Variants in COL10A1 observed in about 807,000 individuals in gnomAD.
COL10A1 encodes collagen type X alpha 1 chain.
COL10A1 carries 10 observed loss-of-function variants against 18.2 expected under a neutral mutation model. The observed-to-expected ratio is 0.55, with a 90% CI of 0.34 to 0.93. The LOEUF (loss-of-function observed/expected upper bound fraction) is 0.93. Among genes scored for constraint, COL10A1 ranks in the 40% least tolerant of loss-of-function variants. The pLI is 0.02. For missense variants in COL10A1, 897 were observed against 853.5 expected (o/e 1.05, Z -0.64); for synonymous variants, 330 against 316.6 (o/e 1.04, Z -0.45).
At chr6:116,129,639 A>T (rs1779415273), upstream of COL10A1, among the ~76,000 whole-genome samples, 1 of 152,104 alleles carries the variant, frequency 6.6e-6, no homozygotes, top group South Asian at 2.1e-4. Flanking sequence ...ATCCTCTTGG[A>T]CTTCCTAGCC....
intron 1 of COL10A1, chr6:116,137,122 C>T (rs1386672010): frequency 1.9e-5 from 4 of 212,760 alleles, no homozygotes; most frequent in Admixed American, 9.0e-5. Flanking sequence ...TACCACAAAT[C>T]GGTGGGGTCT....
At chr6:116,170,454 A>C in the COL10A1 span, among the ~76,000 whole-genome samples, 12 of 152,154 alleles carry the variant, frequency 7.9e-5, no homozygotes, top group Non-Finnish European at 1.3e-4. Flanking sequence ...TACCAGGTTC[A>C]TAGCCACCAT....
chr6:116,125,668 T>A (rs568175652), intron 1 of COL10A1, 161 bp from the exon 2 acceptor site: 1 of 559,296 alleles, frequency 1.8e-6, no homozygotes, highest in African/African-American at 1.9e-5. Context: ...ATTTTTTAGT[T>A]ATGTGAATAT....
the COL10A1 span, among the ~76,000 whole-genome samples, chr6:116,192,667 C>A: frequency 6.6e-6 from 1 of 151,996 alleles, no homozygotes; most frequent in Non-Finnish European, 1.5e-5. Context: ...AACTTTGTAA[C>A]TGAATTTTGA....
intron 1 of COL10A1, among the ~76,000 whole-genome samples, chr6:116,135,396 G>GT (rs1779564572): frequency 6.6e-6 from 1 of 151,562 alleles, no homozygotes; most frequent in South Asian, 2.1e-4. Context: ...TTTTTTTTCT[G>GT]TAGCATCCAT....
the COL10A1 span, among the ~76,000 whole-genome samples, chr6:116,179,450 AC>A: frequency 4.1e-4 from 62 of 152,248 alleles, no homozygotes; most frequent in Middle Eastern, 3.4e-3. Context: ...CAGAAAAAAA[AC>A]AATCCTATCA....
chr6:116,175,780 T>TAG, the COL10A1 span, among the ~76,000 whole-genome samples: 1 of 152,230 alleles, frequency 6.6e-6, no homozygotes, highest in Non-Finnish European at 1.5e-5. Context: ...TTTTAATTGA[T>TAG]CTACTGAAAT....
chr6:116,178,006 T>C, the COL10A1 span, among the ~76,000 whole-genome samples: 2 of 151,824 alleles, frequency 1.3e-5, no homozygotes, highest in Non-Finnish European at 2.9e-5. Context: ...CTTTGTGGAA[T>C]TGTTTTATCC....
In COL10A1 at chr6:116,121,604, C is replaced by T. The variant is rs758634184; in HGVS notation, c.512G>A (p.Gly171Asp). ...TGGTGCACCCTTTTCTCCAGGAAAG[C>T]CCCTGGGTCCTGGGGCTCCTGTGGG... ...QGPTGAPGPR[G>D]FPGEKGAPGV... Residue 171 changes from glycine (G) to aspartate (D), a missense_variant, in exon 3 of 3, where the codon GGC (glycine) becomes GAC (aspartate). By Grantham distance (94) the Gly-to-Asp change is moderately conservative. Coordinates refer to ENST00000651968, the MANE Select transcript of COL10A1 (RefSeq NM_000493.4). The T allele has an allele frequency of 1.9e-6, 3 of 1,614,048 alleles. No individual in the cohort carries two copies. The highest frequency in any genetic ancestry group is 4.5e-5 in the East Asian group (2 of 44,870).
upstream of COL10A1, among the ~76,000 whole-genome samples, chr6:116,162,233 T>C (rs1780351986): frequency 1.3e-5 from 2 of 152,182 alleles, no homozygotes; most frequent in African/African-American, 2.4e-5. Context: ...TAGAGATAAT[T>C]TGACTTCCAC....
At chr6:116,169,983 A>G in the COL10A1 span, among the ~76,000 whole-genome samples, 3 of 152,200 alleles carry the variant, frequency 2.0e-5, no homozygotes, top group Non-Finnish European at 4.4e-5. Flanking sequence ...AAAGAGAATT[A>G]GTCACCTGTT....
the COL10A1 span, among the ~76,000 whole-genome samples, chr6:116,178,088 T>TGTGTGTGTGTGTGTGCGC: frequency 2.0e-5 from 2 of 99,624 alleles, no homozygotes; most frequent in African/African-American, 9.3e-5. Context: ...TGTGTGTGTG[T>TGTGTGTGTGTGTGTGCGC]GCGCGCGCGC....
chr6:116,124,284 T>C (rs1358893986), intron 2 of COL10A1, among the ~76,000 whole-genome samples: 1 of 152,102 alleles, frequency 6.6e-6, no homozygotes, highest in South Asian at 2.1e-4. Context: ...GTATAAAATA[T>C]ATAATTAAAA....
At chr6:116,167,393 T>G in the COL10A1 span, among the ~76,000 whole-genome samples, 1 of 151,920 alleles carries the variant, frequency 6.6e-6, no homozygotes, top group East Asian at 1.9e-4. Context: ...TTTGTATTTT[T>G]AGTAGATACA....
the COL10A1 span, among the ~76,000 whole-genome samples, chr6:116,188,954 A>T: frequency 6.6e-6 from 1 of 151,932 alleles, no homozygotes; most frequent in Non-Finnish European, 1.5e-5. Flanking sequence ...TATAATTGGA[A>T]TGGATAAATA....
the COL10A1 span, among the ~76,000 whole-genome samples, chr6:116,206,320 A>G: frequency 6.6e-6 from 1 of 152,032 alleles, no homozygotes; most frequent in Non-Finnish European, 1.5e-5. Context: ...AATGTTTCAC[A>G]TATATCATTG....
the COL10A1 span, among the ~76,000 whole-genome samples, chr6:116,182,492 C>G: frequency 6.6e-6 from 1 of 152,128 alleles, no homozygotes; most frequent in Non-Finnish European, 1.5e-5. Context: ...TACTAGTTTA[C>G]ATACCCACCA....
intron 1 of COL10A1, among the ~76,000 whole-genome samples, chr6:116,157,462 T>C (rs190693601): frequency 3.8e-4 from 58 of 152,344 alleles, no homozygotes; most frequent in Admixed American, 1.6e-3. Flanking sequence ...TTGAAAAAGC[T>C]GCCTGCCAAA....
chr6:116,209,374 A>C, the COL10A1 span, among the ~76,000 whole-genome samples: 1 of 151,954 alleles, frequency 6.6e-6, no homozygotes, highest in South Asian at 2.1e-4. Context: ...TCCCACACAC[A>C]CTTACTTCTG....
Sources: gnomAD v4.1 joint callset for allele counts (sites outside exome capture counted in the v4.1 genomes callset) on GRCh38, gnomAD v4.1.1 for gene constraint, MANE v1.5 for transcripts, NCBI Gene and HGNC (gene_info 2026-07-23, HGNC 2026-07-21) for gene names.